Variants in CARD14 observed in about 807,000 individuals in gnomAD.
The protein encoded by CARD14 is caspase recruitment domain family member 14.
A neutral mutation model predicts 111.5 loss-of-function variants in CARD14; 107 were observed. The ratio of observed to expected loss-of-function variants is 0.96; its 90% confidence interval spans 0.82 to 1.13. CARD14 has a LOEUF of 1.13. Ranked by LOEUF, CARD14 falls within the 50% of genes most tolerant of loss-of-function variation. The probability of loss-of-function intolerance (pLI) is 0.00; values close to 1 mark genes in which losing one functional copy is unlikely to be tolerated. For missense variants in CARD14, 1,322 were observed against 1,362.3 expected (o/e 0.97, Z 0.47); for synonymous variants, 617 against 579.6 (o/e 1.06, Z -0.93).
intron 16 of CARD14, chr17:80,200,876 GCA>G (rs1282475579): frequency 6.6e-6 from 1 of 152,458 alleles, no homozygotes; most frequent in Non-Finnish European, 1.5e-5. Context: ...TCCCTCACTT[GCA>G]CAGTTCACGA....
intron 16 of CARD14, among the ~76,000 whole-genome samples, chr17:80,199,477 G>A (rs532049206): frequency 4.1e-5 from 6 of 147,980 alleles, no homozygotes; most frequent in Non-Finnish European, 8.9e-5. Context: ...CTACTCAGAT[G>A]CCTGAGCCCA....
intron 7 of CARD14, among the ~76,000 whole-genome samples, chr17:80,185,248 C>T (rs2040308332): frequency 1.3e-5 from 2 of 151,946 alleles, no homozygotes; most frequent in South Asian, 4.2e-4. Flanking sequence ...GGGGGGTTCT[C>T]ATTATGTTGC....
Position 80,181,648 on chromosome 17 carries a change from C to G in CARD14, c.210C>G (p.Ala70=), listed in dbSNP as rs577286599. 2 of 1,544,782 alleles carry G rather than the reference C, an allele frequency of 1.3e-6. No individual in the cohort carries two copies. The highest frequency in any genetic ancestry group is 2.4e-5 in the East Asian group (1 of 40,892). Residue 70 remains alanine (A), a splice_region_variant and synonymous_variant, in exon 5 of 24, where the codon GCC becomes GCG. Coordinates refer to ENST00000648509, the MANE Select transcript of CARD14 (RefSeq NM_001366385.1). Reference sequence around the variant, plus strand: ...GGCTCACCAACAGCGCCATGCGGGCCGGTGAGCGCAGCTCCCTCTTCCCCA... The same window carrying G: ...GGCTCACCAACAGCGCCATGCGGGCGGGTGAGCGCAGCTCCCTCTTCCCCA... The part of the protein sequence containing the change: ...SPRLTNSAMR[A]GHLLDLLKTR...
intron 22 of CARD14, among the ~76,000 whole-genome samples, chr17:80,206,487 C>T (rs922004344): frequency 5.9e-5 from 9 of 152,150 alleles, no homozygotes; most frequent in African/African-American, 1.9e-4. Context: ...AAAAGTGGGC[C>T]GGGTGCGGTG....
chr17:80,191,024 T>C, intron 10 of CARD14, 125 bp downstream of exon 10: 1 of 1,335,236 alleles, frequency 7.5e-7, no homozygotes, highest in Non-Finnish European at 1.0e-6. Flanking sequence ...CAGGGTCTCT[T>C]TCCTCGGTCC....
Position 80,188,312 on chromosome 17 carries a change from C to G in CARD14, c.676-65C>G. On this transcript the variant is annotated intron_variant, in intron 7 of 23. Coordinates refer to ENST00000648509, the MANE Select transcript of CARD14 (RefSeq NM_001366385.1). The surrounding 1 kb of genome is among the most constrained non-coding windows in gnomAD (Gnocchi z 4.5). Reference sequence around the variant, plus strand: ...CATTAGGAGGAAGGGTGAGAAATGCCCCCAGCTCCTGATCAGGGGAGAAGC... The same window carrying G: ...CATTAGGAGGAAGGGTGAGAAATGCGCCCAGCTCCTGATCAGGGGAGAAGC... The G allele has an allele frequency of 1.3e-6, 2 of 1,501,656 alleles. No homozygotes were observed. The highest frequency in any genetic ancestry group is 1.8e-6 in the Non-Finnish European group (2 of 1,115,886). 93.0% of individuals were successfully genotyped at this position (1,501,656 alleles called of 1,614,324 possible).
rs528551025 is a variant in CARD14 at position 80,198,495 on chromosome 17, C to T, written c.1755C>T (p.Val585=). 2.3e-5 allele frequency: 37 copies of T among 1,613,316 alleles called. No individual in the cohort carries two copies. In the South Asian group the frequency reaches 3.8e-4, roughly 17 times the overall value. ...QGDALLEQIS[V]IGGNLTGIFI... is the part of the protein sequence containing the mutation. ...ATGCATTGCTGGAGCAGATCAGCGT[C>T]ATCGGCGGGAACCTCACGGGCATCT... The change falls in exon 16 of 24, where the codon GTC becomes GTT. Residue 585 remains valine (V), a synonymous_variant. Coordinates refer to ENST00000648509, the MANE Select transcript of CARD14 (RefSeq NM_001366385.1). This position sits in a 1 kb window ranked among gnomAD's most constrained non-coding sequence, Gnocchi z 7.5.
Position 80,205,032 on chromosome 17 carries a change from C to T in CARD14, c.2399-3C>T, listed in dbSNP as rs376922603. ...CCCACCCTCAGGATCCTCTCCTCCA[C>T]AGGCTCCAGCACGTGCTTCTGGGCC... On this transcript the variant is annotated splice_polypyrimidine_tract_variant and splice_region_variant and intron_variant, in intron 20 of 23. Transcript: ENST00000648509. 62 of 1,577,940 alleles carry T rather than the reference C, an allele frequency of 3.9e-5. No individual in the cohort carries two copies. The highest frequency in any genetic ancestry group is 2.1e-4 in the Middle Eastern group (1 of 4,752).
intron 21 of CARD14, 64 bp downstream of exon 21, chr17:80,205,269 T>A (rs1598713038): frequency 8.4e-7 from 1 of 1,186,690 alleles, no homozygotes; most frequent in Non-Finnish European, 1.2e-6. Flanking sequence ...CTCCCCTTCC[T>A]CCCTCCTTCC....
At chr17:80,199,577 A>AAAAAG (rs1555615288) in intron 16 of CARD14, among the ~76,000 whole-genome samples, 36 of 148,834 alleles carry the variant, frequency 2.4e-4, no homozygotes, top group African/African-American at 8.5e-4. Context: ...AAAAAAAAAA[A>AAAAAG]AAAAGAAAAG....
chr17:80,198,577 A>T lies in CARD14; in HGVS notation c.1837A>T (p.Thr613Ser), dbSNP rs780328548. The T allele has an allele frequency of 6.2e-7, 1 of 1,612,190 alleles. No homozygotes were observed. Among genetic ancestry groups the T allele is most frequent in the Non-Finnish European group, 8.5e-7 (1 of 1,179,486 alleles). ...GGACCAGATGGCCTTGCGCCCGGGC[A>T]CCCAGATTGTGATGGTGAGCCGTGC... ...AADQMALRPG[T>S]QIVMVDYEAS... The change falls in exon 16 of 24, where the codon ACC (threonine) becomes TCC (serine). Residue 613 changes from threonine (T) to serine (S), a missense_variant. Thr to Ser is a moderately conservative substitution (Grantham distance 58, BLOSUM62 1). Transcript: ENST00000648509. The surrounding 1 kb of genome is among the most constrained non-coding windows in gnomAD (Gnocchi z 7.5).
chr17:80,174,012 T>G (rs532266371), intron 2 of CARD14, among the ~76,000 whole-genome samples: 34 of 152,276 alleles, frequency 2.2e-4, no homozygotes, highest in Middle Eastern at 3.4e-3. Context: ...GATAAGAGAT[T>G]ACAAAAACCT....
At chr17:80,191,300 C>A in intron 10 of CARD14, 23 bp from the exon 11 acceptor site, 1 of 1,601,094 alleles carries the variant, frequency 6.2e-7, no homozygotes, top group Non-Finnish European at 8.6e-7. Context: ...GCGCGGCCTC[C>A]TTACTCCCGT....
rs919076101 is a variant in CARD14 at position 80,181,533 on chromosome 17, G to A, written c.95G>A (p.Arg32His). 40 of 1,583,558 alleles carry A rather than the reference G, an allele frequency of 2.5e-5. No individual in the cohort carries two copies. The highest frequency in any genetic ancestry group is 2.8e-5 in the Non-Finnish European group (33 of 1,165,482). ...GAGAGCCACCGCCACAGGATCGTAC[G>A]CTGCATCTGCCCCAGCCGCCTCACC... Reference protein sequence around the residue: ...MMESHRHRIVRCICPSRLTPY... With the variant: ...MMESHRHRIVHCICPSRLTPY... The change falls in exon 5 of 24, where the codon CGC becomes CAC. Residue 32 changes from arginine to histidine, a missense_variant. Coordinates refer to ENST00000648509, the MANE Select transcript of CARD14 (RefSeq NM_001366385.1).
In CARD14 at chr17:80,198,225, C is replaced by T. The variant is rs2040789318; in HGVS notation, c.1658+63C>T. On this transcript the variant is annotated intron_variant, in intron 15 of 23. Transcript: ENST00000648509. The surrounding 1 kb of genome is among the most constrained non-coding windows in gnomAD (Gnocchi z 7.5). ...GAACCAGGGCCAGGGAGTGGCAGAG[C>T]AGAGGGTGAGTGTCCTATTACCAAT... 1 of 1,592,500 alleles carries T rather than the reference C, an allele frequency of 6.3e-7. No individual in the cohort carries two copies. Among genetic ancestry groups the T allele is most frequent in the African/African-American group, 1.3e-5 (1 of 74,652 alleles).
In CARD14 at chr17:80,198,895, C is replaced by T; in HGVS notation, c.1851+304C>T. 7.6e-7 allele frequency: 1 copy of T among 1,309,972 alleles called. No individual in the cohort carries two copies. Among genetic ancestry groups the T allele is most frequent in the Non-Finnish European group, 9.7e-7 (1 of 1,028,656 alleles). The allele number at this position is 1,309,972 out of a possible 1,614,324, so 81.1% of individuals were successfully genotyped here. ...CACTTTGGGTGTGTACAGTAAAATA[C>T]ACGTGACATAAAATTCACTATTTTA... On this transcript the variant is annotated intron_variant, in intron 16 of 23. Transcript: ENST00000648509. This position sits in a 1 kb window ranked among gnomAD's most constrained non-coding sequence, Gnocchi z 7.5.
In CARD14 at chr17:80,203,520, G is replaced by A. The variant is rs934039224; in HGVS notation, c.2220-302G>A. ...GCCAGGGACCCACCATGAATATTGA[G>A]GTCCTGGAGTGGGGCCCTGTACGCT... On this transcript the variant is annotated intron_variant, in intron 18 of 23. Transcript: ENST00000648509. This position sits in a 1 kb window ranked among gnomAD's most constrained non-coding sequence, Gnocchi z 4.6. 1 of 336,696 alleles carries A rather than the reference G, an allele frequency of 3.0e-6. No individual in the cohort carries two copies. The highest frequency in any genetic ancestry group is 5.4e-6 in the Non-Finnish European group (1 of 185,218). The allele number at this position is 336,696 out of a possible 1,614,324, so 20.9% of individuals were successfully genotyped here.
intron 3 of CARD14, among the ~76,000 whole-genome samples, 165 bp downstream of exon 3, chr17:80,178,820 A>T (rs560803446): frequency 6.6e-6 from 1 of 152,320 alleles, no homozygotes; most frequent in South Asian, 2.1e-4. Context: ...ATCTCAGCTT[A>T]CTGCAACCTC....
At chr17:80,183,188 C>T (rs935176061) in intron 6 of CARD14, among the ~76,000 whole-genome samples, 3 of 152,350 alleles carry the variant, frequency 2.0e-5, no homozygotes, top group African/African-American at 7.2e-5. Flanking sequence ...AGAGCGGCCC[C>T]GGCCAGAGGG....
Sources: allele counts gnomAD v4.1 joint callset (sites outside exome capture counted in the v4.1 genomes callset), GRCh38; gene constraint gnomAD v4.1.1; non-coding constraint Gnocchi (gnomAD v3.1); transcripts MANE v1.5; gene names NCBI Gene and HGNC (gene_info 2026-07-23, HGNC 2026-07-21).